Variants in NSUN3 observed in about 807,000 individuals in gnomAD.
The protein encoded by NSUN3 is tRNA (cytosine(34)-C(5))-methyltransferase, mitochondrial.
A neutral mutation model predicts 36.8 loss-of-function variants in NSUN3; 24 were observed. The ratio of observed to expected loss-of-function variants is 0.65; its 90% confidence interval spans 0.47 to 0.92. NSUN3 has a LOEUF of 0.92. Among genes scored for constraint, NSUN3 ranks in the 40% least tolerant of loss-of-function variants. The pLI, the probability that NSUN3 is intolerant of heterozygous loss-of-function variation, is 0.00. For missense variants in NSUN3, 381 were observed against 392.8 expected (o/e 0.97, Z 0.25); for synonymous variants, 146 against 145.2 (o/e 1.01, Z -0.04).
chr3:94,098,040 C>A (rs980022129), intron 5 of NSUN3, among the ~76,000 whole-genome samples: 3 of 152,234 alleles, frequency 2.0e-5, no homozygotes, highest in Non-Finnish European at 2.9e-5. Flanking sequence ...ATTTCTAATT[C>A]TCTTAGGAGA....
At chr3:94,109,774 G>T (rs752629225) in intron 5 of NSUN3, among the ~76,000 whole-genome samples, 1 of 152,168 alleles carries the variant, frequency 6.6e-6, no homozygotes, top group African/African-American at 2.4e-5. Context: ...TGAGCCACTG[G>T]ATGTGTAACA....
chr3:94,081,331 G>A (rs1369014205), intron 2 of NSUN3, among the ~76,000 whole-genome samples: 2 of 152,190 alleles, frequency 1.3e-5, no homozygotes, highest in East Asian at 3.9e-4. Flanking sequence ...GCTGGGAGCT[G>A]CAGACCGGAG....
intron 3 of NSUN3, among the ~76,000 whole-genome samples, chr3:94,092,747 T>C (rs946359020): frequency 6.6e-6 from 1 of 150,928 alleles, no homozygotes; most frequent in Non-Finnish European, 1.5e-5. Flanking sequence ...CTACTAAAAA[T>C]ACAAAAATTT....
At chr3:94,122,596 C>T (rs2107274493) in intron 5 of NSUN3, among the ~76,000 whole-genome samples, 1 of 152,276 alleles carries the variant, frequency 6.6e-6, no homozygotes, top group African/African-American at 2.4e-5. Context: ...CTTAGACCTA[C>T]ATTTCTTATT....
At chr3:94,118,349 C>T (rs1441454447) in intron 5 of NSUN3, among the ~76,000 whole-genome samples, 1 of 152,086 alleles carries the variant, frequency 6.6e-6, no homozygotes, top group Non-Finnish European at 1.5e-5. Flanking sequence ...ATTAGGTTAG[C>T]ATTGTACTTA....
At chr3:94,113,151 A>C (rs1484212628) in intron 5 of NSUN3, among the ~76,000 whole-genome samples, 1 of 152,192 alleles carries the variant, frequency 6.6e-6, no homozygotes, top group Non-Finnish European at 1.5e-5. Context: ...GGTGTGAGCC[A>C]CCGCACCCGG....
At chr3:94,082,018 T>C (rs2077270903) in intron 2 of NSUN3, 1 of 152,214 alleles carries the variant, frequency 6.6e-6, no homozygotes, top group Admixed American at 6.5e-5. Context: ...TGTCTGATGT[T>C]AACTAATTGA....
chr3:94,113,090 TCCTGACCTCATGATCC>T (rs2077424617), intron 5 of NSUN3, among the ~76,000 whole-genome samples: 1 of 152,074 alleles, frequency 6.6e-6, no homozygotes, highest in Non-Finnish European at 1.5e-5. Flanking sequence ...GGTCTCAATC[TCCTGACCTCATGATCC>T]GCCCACCTCA....
intron 2 of NSUN3, among the ~76,000 whole-genome samples, chr3:94,074,327 C>G (rs1271313062): frequency 6.6e-6 from 1 of 152,142 alleles, no homozygotes; most frequent in Non-Finnish European, 1.5e-5. Flanking sequence ...TTTTGTTTTT[C>G]CAATTCTGTG....
Position 94,126,275 on chromosome 3 carries a change from G to A in NSUN3, c.808G>A (p.Ala270Thr). Reference sequence around the variant, plus strand: ...ATACTCTACATGCACGCTTTCCAAGGCAGAAAATCAAGATGTGATCAGTGA... The same window carrying A: ...ATACTCTACATGCACGCTTTCCAAGACAGAAAATCAAGATGTGATCAGTGA... The part of the protein sequence containing the change: ...LVYSTCTLSK[A>T]ENQDVISEIL... Residue 270 changes from alanine (A) to threonine (T), a missense_variant, in exon 6 of 6, where the codon GCA (alanine) becomes ACA (threonine). Physicochemically the swap from Ala to Thr is moderately conservative, Grantham distance 58. Transcript: ENST00000314622. The A allele has an allele frequency of 1.2e-6, 2 of 1,614,102 alleles. No individual in the cohort carries two copies. The highest frequency in any genetic ancestry group is 1.7e-6 in the Non-Finnish European group (2 of 1,180,002).
chr3:94,098,501 T>C (rs1055005751), intron 5 of NSUN3, among the ~76,000 whole-genome samples: 1 of 152,172 alleles, frequency 6.6e-6, no homozygotes, highest in Non-Finnish European at 1.5e-5. Flanking sequence ...TTTGTTTTTT[T>C]AATTTGGGGA....
At chr3:94,077,051 A>G in intron 2 of NSUN3, 3 of 799,114 alleles carry the variant, frequency 3.8e-6, no homozygotes, top group South Asian at 2.7e-5. Context: ...AGGCTGGGCC[A>G]CTCCAGAGCC....
intron 3 of NSUN3, among the ~76,000 whole-genome samples, chr3:94,092,935 A>AAG (rs1298422398): frequency 2.7e-5 from 4 of 150,188 alleles, no homozygotes; most frequent in South Asian, 2.1e-4. Context: ...AAAAAAAAAA[A>AAG]AAAAAAAAAA....
chr3:94,063,346 T>C, intron 1 of NSUN3: 1 of 580,786 alleles, frequency 1.7e-6, no homozygotes. Context: ...CGCAGACTTC[T>C]AGTACCCACT....
chr3:94,072,024 C>T (rs1560029237), intron 2 of NSUN3, among the ~76,000 whole-genome samples: 2 of 152,158 alleles, frequency 1.3e-5, no homozygotes. Flanking sequence ...TATTAATACA[C>T]AGCTTTGCTT....
intron 5 of NSUN3, among the ~76,000 whole-genome samples, chr3:94,109,036 G>A (rs1271123189): frequency 6.6e-6 from 1 of 152,198 alleles, no homozygotes. Context: ...AATACAAAAT[G>A]AATGCAACAC....
chr3:94,113,518 A>T (rs969088414), intron 5 of NSUN3, among the ~76,000 whole-genome samples: 1 of 152,196 alleles, frequency 6.6e-6, no homozygotes, highest in Non-Finnish European at 1.5e-5. Context: ...GATATGAAAA[A>T]GAGGAAAGGC....
intron 5 of NSUN3, among the ~76,000 whole-genome samples, chr3:94,120,101 T>C (rs982804573): frequency 2.0e-5 from 3 of 152,256 alleles, no homozygotes; most frequent in Non-Finnish European, 4.4e-5. Flanking sequence ...TGTACAGCTT[T>C]AATGAAAAAG....
At chr3:94,063,357 C>T (rs896718569) in intron 1 of NSUN3, 34 of 546,980 alleles carry the variant, frequency 6.2e-5, no homozygotes, top group Non-Finnish European at 1.1e-4. Flanking sequence ...AGTACCCACT[C>T]CCTCCAGCTC....
Sources: gnomAD v4.1 joint callset for allele counts (sites outside exome capture counted in the v4.1 genomes callset) on GRCh38, gnomAD v4.1.1 for gene constraint, MANE v1.5 for transcripts, NCBI Gene and HGNC (gene_info 2026-07-23, HGNC 2026-07-21) for gene names.